The following DDAH1 variants were observed in gnomAD, a reference collection of about 807,000 sequenced individuals.
DDAH1 encodes the protein N(G),N(G)-dimethylarginine dimethylaminohydrolase 1.
DDAH1 carries 19 observed loss-of-function variants against 28.8 expected under a neutral mutation model. The observed-to-expected ratio is 0.66, with a 90% confidence interval of 0.46 to 0.97. The LOEUF is 0.97. Among genes scored for constraint, DDAH1 ranks in the 50% least tolerant of loss-of-function variants. The pLI, the probability that DDAH1 is intolerant of heterozygous loss-of-function variation, is 0.00. For synonymous variants in DDAH1, 153 were observed against 154.4 expected (o/e 0.99, Z 0.07); for missense variants, 326 against 375.9 (o/e 0.87, Z 1.10).
At chr1:85,462,306 A>G (rs2100690520) in intron 1 of DDAH1, among the ~76,000 whole-genome samples, 1 of 152,276 alleles carries the variant, frequency 6.6e-6, no homozygotes, top group South Asian at 2.1e-4. Flanking sequence ...TGGAAAGGCA[A>G]GCACAGCCCA....
chr1:85,373,917 G>A (rs1375699489), intron 1 of DDAH1, among the ~76,000 whole-genome samples: 1 of 152,182 alleles, frequency 6.6e-6, no homozygotes, highest in East Asian at 1.9e-4. Flanking sequence ...GTGGTTGGTT[G>A]GTGGAAAATG....
Position 85,533,324 on chromosome 1 carries a change from AT to A in DDAH1, c.-122-37044del, listed in dbSNP as rs1217327328. ...AAAATCAAAATTGCGTTAAGAAAGTATTTTTTTTCTCTTCTTTTCTTTTTTC... is the reference window on the plus strand; with the variant it reads ...AAAATCAAAATTGCGTTAAGAAAGTATTTTTTTCTCTTCTTTTCTTTTTTC... On this transcript the variant is annotated intron_variant, in intron 1 of 6. Transcript: ENST00000426972. Among the ~76,000 whole-genome samples the A allele has an allele frequency of 5.3e-5, 8 of 152,084 alleles. No individual in the cohort carries two copies. In the South Asian group the frequency reaches 6.2e-4, roughly 12 times the overall value.
At chr1:85,323,984 AAAG>A (rs1204301818) in intron 5 of DDAH1, among the ~76,000 whole-genome samples, 3 of 151,198 alleles carry the variant, frequency 2.0e-5, no homozygotes, top group Non-Finnish European at 4.4e-5. Flanking sequence ...AAAAAAAAAA[AAAG>A]GACTGGGCAT....
intron 1 of DDAH1, among the ~76,000 whole-genome samples, chr1:85,500,869 A>AT (rs111875871): frequency 0.057 from 8,273 of 144,612 alleles, 298 homozygotes; most frequent in African/African-American, 0.11. Flanking sequence ...TCATTTAGGG[A>AT]TTTTTTTTTC....
At chr1:85,452,310 C>T (rs755804701) in intron 1 of DDAH1, among the ~76,000 whole-genome samples, 2 of 152,096 alleles carry the variant, frequency 1.3e-5, no homozygotes, top group Non-Finnish European at 2.9e-5. Context: ...GATTTAAAAC[C>T]TGTTGACAAC....
In DDAH1 at chr1:85,438,840, A is replaced by C. The variant is rs541158884; in HGVS notation, c.303+25903T>G. The stretch of plus-strand genomic sequence containing the variant: ...ATACCTAGATACTTTTGTTGAGCAG[A>C]CTAGGGTAAGCCAAAATATAACTTC... On this transcript the variant is annotated intron_variant, in intron 1 of 5. Coordinates refer to ENST00000284031, the MANE Select transcript of DDAH1 (RefSeq NM_012137.4). 1.6e-4 allele frequency among the ~76,000 whole-genome samples: 24 copies of C among 152,328 alleles called. No individual in the cohort carries two copies. The South Asian group carries it at 5.0e-3, about 32-fold the overall frequency.
chr1:85,362,427 T>A (rs1377488056), intron 1 of DDAH1, among the ~76,000 whole-genome samples: 2 of 152,162 alleles, frequency 1.3e-5, no homozygotes, highest in African/African-American at 4.8e-5. Flanking sequence ...AAGAATTCTT[T>A]CTCTTTCTCA....
At chr1:85,332,909 T>C (rs973873800) in intron 4 of DDAH1, among the ~76,000 whole-genome samples, 3 of 152,120 alleles carry the variant, frequency 2.0e-5, no homozygotes, top group African/African-American at 7.2e-5. Context: ...GCCCAGCCCA[T>C]TGCAGCCACC....
chr1:85,421,102 G>A (rs1191690599), intron 1 of DDAH1, among the ~76,000 whole-genome samples: 1 of 152,142 alleles, frequency 6.6e-6, no homozygotes, highest in Non-Finnish European at 1.5e-5. Flanking sequence ...ACTATTGTGA[G>A]GACAGCACCA....
At chr1:85,465,331 G>A, upstream of DDAH1, 2 of 533,728 alleles carry the variant, frequency 3.7e-6, no homozygotes, top group Non-Finnish European at 4.8e-6. Flanking sequence ...AGTGGGGCCA[G>A]GAGAGGCGGC....
chr1:85,569,027 C>A (rs1659381476), intron 1 of DDAH1, among the ~76,000 whole-genome samples: 1 of 152,198 alleles, frequency 6.6e-6, no homozygotes, highest in Admixed American at 6.5e-5. Context: ...ATGGTACGAT[C>A]ATTTCACAAA....
At chr1:85,390,062 A>T (rs1294577995) in intron 1 of DDAH1, among the ~76,000 whole-genome samples, 2 of 152,228 alleles carry the variant, frequency 1.3e-5, no homozygotes, top group Non-Finnish European at 2.9e-5. Flanking sequence ...AAAGATAGAA[A>T]GAAATATGTG....
intron 1 of DDAH1, among the ~76,000 whole-genome samples, chr1:85,516,168 G>C (rs1435904433): frequency 6.6e-6 from 1 of 151,856 alleles, no homozygotes; most frequent in African/African-American, 2.4e-5. Context: ...GGTACTGGGG[G>C]TTAGAATTTC....
intron 2 of DDAH1, among the ~76,000 whole-genome samples, chr1:85,475,069 C>T (rs552268917): frequency 1.7e-4 from 26 of 152,314 alleles, no homozygotes; most frequent in Admixed American, 9.1e-4. Context: ...ATATGTTCTT[C>T]GTCTCCCTTC....
chr1:85,503,811 G>A (rs1425228983), intron 1 of DDAH1, among the ~76,000 whole-genome samples: 1 of 152,146 alleles, frequency 6.6e-6, no homozygotes, highest in African/African-American at 2.4e-5. Flanking sequence ...GGAGATGAGG[G>A]AAGATCTCTA....
intron 4 of DDAH1, among the ~76,000 whole-genome samples, chr1:85,348,634 C>G (rs1002408526): frequency 6.6e-6 from 1 of 152,208 alleles, no homozygotes; most frequent in African/African-American, 2.4e-5. Flanking sequence ...ATCCATCCTT[C>G]AAGACTCACA....
At chr1:85,507,892 T>A (rs1381872016) in intron 1 of DDAH1, among the ~76,000 whole-genome samples, 8 of 152,216 alleles carry the variant, frequency 5.3e-5, no homozygotes, top group Non-Finnish European at 1.2e-4. Context: ...GTAATTTGAT[T>A]TTTCTTTGAT....
At chr1:85,436,792 T>C (rs1288131571) in intron 1 of DDAH1, among the ~76,000 whole-genome samples, 1 of 152,138 alleles carries the variant, frequency 6.6e-6, no homozygotes, top group Admixed American at 6.5e-5. Context: ...AGGGTCACAG[T>C]TGTGAAGCGG....
At chr1:85,499,129 A>G (rs1014749856) in intron 1 of DDAH1, among the ~76,000 whole-genome samples, 8 of 118,358 alleles carry the variant, frequency 6.8e-5, no homozygotes, top group Non-Finnish European at 1.2e-4. Context: ...AACAAGAACT[A>G]ATGCTATAGA....
Sources: allele counts gnomAD v4.1 joint callset (sites outside exome capture counted in the v4.1 genomes callset), GRCh38; gene constraint gnomAD v4.1.1; transcripts MANE v1.5; gene names NCBI Gene and HGNC (gene_info 2026-07-23, HGNC 2026-07-21).